Variants in BFSP2 observed in about 807,000 individuals in gnomAD.
BFSP2 encodes the protein beaded filament structural protein 2.
In BFSP2, 38 loss-of-function variants were observed where a neutral mutation model predicts 44.9. The ratio of observed to expected loss-of-function variants is 0.85; its 90% CI spans 0.65 to 1.11. The LOEUF (loss-of-function observed/expected upper bound fraction) is 1.11, where lower values mean the gene tolerates loss of function less well. BFSP2 is among the 50% of genes least tolerant of loss of function. BFSP2 has a pLI of 0.00. For missense variants in BFSP2, 525 were observed against 533.0 expected (o/e 0.99, Z 0.15); for synonymous variants, 197 against 209.9 (o/e 0.94, Z 0.53).
chr3:133,450,729 A>G (rs1368064199), intron 4 of BFSP2, among the ~76,000 whole-genome samples: 1 of 152,232 alleles, frequency 6.6e-6, no homozygotes, highest in Non-Finnish European at 1.5e-5. Context: ...AAACTAGTGC[A>G]CTGCCTTTGA....
intron 1 of BFSP2, among the ~76,000 whole-genome samples, chr3:133,407,431 T>G (rs754391764): frequency 1.3e-5 from 2 of 152,192 alleles, no homozygotes; most frequent in African/African-American, 4.8e-5. Flanking sequence ...AGCATAAAGA[T>G]GTCTCTTCTC....
At position 133,400,471 on chromosome 3, in the gene BFSP2, C is replaced by G. The variant is rs1360062152; in HGVS notation, c.388C>G (p.Gln130Glu). The change falls in exon 1 of 7, where the codon CAG becomes GAG. Residue 130 changes from glutamine (Q) to glutamate (E), a missense_variant. Coordinates refer to ENST00000302334, the MANE Select transcript of BFSP2 (RefSeq NM_003571.4). This position sits in a 1 kb window ranked among gnomAD's most constrained non-coding sequence, Gnocchi z 4.0. ...AKVHALEQVS[Q>E]ELETQLRMHL... ...AGTGCACGCCCTTGAGCAAGTCAGT[C>G]AGGAGCTGGAAACACAACTGCGGAT... 2 of 1,613,878 alleles carry G rather than the reference C, an allele frequency of 1.2e-6. No homozygotes were observed. Among genetic ancestry groups the G allele is most frequent in the African/African-American group, 1.3e-5 (1 of 74,906 alleles).
chr3:133,433,147 C>CA (rs2073744632), intron 1 of BFSP2, among the ~76,000 whole-genome samples: 1 of 152,222 alleles, frequency 6.6e-6, no homozygotes, highest in Admixed American at 6.5e-5. Context: ...TGGCCTCCCA[C>CA]ATTATTCCTG....
intron 1 of BFSP2, among the ~76,000 whole-genome samples, chr3:133,433,561 T>C (rs1313586620): frequency 6.6e-6 from 1 of 152,194 alleles, no homozygotes; most frequent in Non-Finnish European, 1.5e-5. Flanking sequence ...TTAGTCTAGG[T>C]AGACACTTTC....
chr3:133,422,069 T>G (rs2073597699), intron 1 of BFSP2, among the ~76,000 whole-genome samples: 1 of 131,048 alleles, frequency 7.6e-6, no homozygotes, highest in South Asian at 2.5e-4. Flanking sequence ...ATAGCGCCAC[T>G]GCACTCCAGC....
At chr3:133,473,270 G>T (rs1209421778) in intron 6 of BFSP2, among the ~76,000 whole-genome samples, 1 of 151,926 alleles carries the variant, frequency 6.6e-6, no homozygotes, top group Non-Finnish European at 1.5e-5. Flanking sequence ...GATCTAGGCT[G>T]CTCAAAGATT....
chr3:133,416,336 TCTC>T (rs1329495986), intron 1 of BFSP2, among the ~76,000 whole-genome samples: 41 of 105,072 alleles, frequency 3.9e-4, no homozygotes, highest in African/African-American at 1.6e-3. Flanking sequence ...TCCTCTCCCT[TCTC>T]CTCACCCCTG....
chr3:133,442,347 G>C (rs968006481), intron 1 of BFSP2, among the ~76,000 whole-genome samples: 6 of 152,064 alleles, frequency 3.9e-5, no homozygotes, highest in African/African-American at 1.4e-4. Flanking sequence ...GAGAGATAGG[G>C]TTTTGCTATG....
At chr3:133,428,425 G>A (rs1022435604) in intron 1 of BFSP2, among the ~76,000 whole-genome samples, 1 of 152,006 alleles carries the variant, frequency 6.6e-6, no homozygotes, top group African/African-American at 2.4e-5. Flanking sequence ...ATGAGCCACA[G>A]GGCCCAGCTG....
chr3:133,416,922 C>G (rs1235530565), intron 1 of BFSP2, among the ~76,000 whole-genome samples: 3 of 142,590 alleles, frequency 2.1e-5, no homozygotes, highest in African/African-American at 7.9e-5. Context: ...CTCTACTCAC[C>G]CGTCCTCTGC....
rs1046648356 is a variant in BFSP2, at chr3:133,464,683, A to G, written c.892-2145A>G. The stretch of plus-strand genomic sequence containing the variant: ...ATATAGTCAGTGTTTTCATGCTTTT[A>G]AGATTCTAAAGGCTTCAGCATGCTT... On this transcript the variant is annotated intron_variant, in intron 4 of 6. Transcript: ENST00000302334. Among the ~76,000 whole-genome samples the G allele has an allele frequency of 5.3e-5, 8 of 152,084 alleles. No homozygotes were observed. In the South Asian group the frequency reaches 1.0e-3, roughly 20 times the overall value.
At chr3:133,447,689 C>A (rs959020149) in intron 2 of BFSP2, among the ~76,000 whole-genome samples, 2 of 152,118 alleles carry the variant, frequency 1.3e-5, no homozygotes, top group Non-Finnish European at 2.9e-5. Context: ...TGCGCCCCAC[C>A]CTGTTGAATT....
chr3:133,405,163 A>G (rs984812628), intron 1 of BFSP2, among the ~76,000 whole-genome samples: 1 of 152,200 alleles, frequency 6.6e-6, no homozygotes, highest in Non-Finnish European at 1.5e-5. Context: ...GGAACAGCTG[A>G]AGCCAGGGGG....
At chr3:133,434,134 T>C (rs1306426501) in intron 1 of BFSP2, among the ~76,000 whole-genome samples, 2 of 150,468 alleles carry the variant, frequency 1.3e-5, no homozygotes, top group Admixed American at 1.3e-4. Flanking sequence ...TTGAAGTAAA[T>C]AAATAATTTT....
intron 1 of BFSP2, among the ~76,000 whole-genome samples, chr3:133,401,512 T>C (rs2107872329): frequency 6.6e-6 from 1 of 152,336 alleles, no homozygotes; most frequent in East Asian, 1.9e-4. Flanking sequence ...CAGCCCTGCT[T>C]TTCCCACTCT....
intron 1 of BFSP2, 29 bp from the exon 2 acceptor site, chr3:133,447,288 G>A (rs757320472): frequency 6.2e-7 from 1 of 1,612,838 alleles, no homozygotes; most frequent in East Asian, 2.2e-5. Context: ...CAGTGACCTT[G>A]TCTCCTTTGG....
chr3:133,437,266 T>A (rs1406554781), intron 1 of BFSP2, among the ~76,000 whole-genome samples: 1 of 152,184 alleles, frequency 6.6e-6, no homozygotes, highest in Non-Finnish European at 1.5e-5. Context: ...GGTTCACACC[T>A]GTAATCCCAG....
chr3:133,403,405 A>G (rs968013822), intron 1 of BFSP2, among the ~76,000 whole-genome samples: 3 of 151,960 alleles, frequency 2.0e-5, no homozygotes, highest in African/African-American at 4.8e-5. Context: ...GCTCAGTTCC[A>G]TGGCAACCCT....
At chr3:133,431,311 C>T (rs1029079677) in intron 1 of BFSP2, among the ~76,000 whole-genome samples, 1 of 152,192 alleles carries the variant, frequency 6.6e-6, no homozygotes, top group African/African-American at 2.4e-5. Context: ...TGAGACAAAT[C>T]CCAGCCACAT....
Sources: allele counts gnomAD v4.1 joint callset (sites outside exome capture counted in the v4.1 genomes callset), GRCh38; gene constraint gnomAD v4.1.1; non-coding constraint Gnocchi (gnomAD v3.1); transcripts MANE v1.5; gene names NCBI Gene and HGNC (gene_info 2026-07-23, HGNC 2026-07-21).